The following CRIP2 variants were observed in gnomAD, a reference collection of about 807,000 sequenced individuals.
CRIP2 encodes cysteine-rich protein 2.
In CRIP2, 31 loss-of-function variants were observed where a neutral mutation model predicts 31.3. The observed-to-expected ratio is 0.99, with a 90% CI of 0.74 to 1.34. The LOEUF (loss-of-function observed/expected upper bound fraction) is 1.34. CRIP2 is among the 40% of genes most tolerant of loss of function. The probability of loss-of-function intolerance (pLI) is 0.00; values close to 1 mark genes in which losing one functional copy is unlikely to be tolerated. For missense variants in CRIP2, 389 were observed against 301.6 expected, an observed-to-expected ratio of 1.29 and a Z score of -2.15; for synonymous variants, 177 against 127.2, an observed-to-expected ratio of 1.39 and a Z score of -2.63.
chr14:105,479,102 G>A, intron 5 of CRIP2, 23 bp from the exon 6 acceptor site: 1 of 1,609,042 alleles, frequency 6.2e-7, no homozygotes, highest in Non-Finnish European at 8.5e-7. Flanking sequence ...CCGGGGCTCG[G>A]CCTCACTCCT....
intron 1 of CRIP2, chr14:105,475,847 G>A (rs150518872): frequency 1.8e-5 from 18 of 985,396 alleles, no homozygotes; most frequent in Admixed American, 6.1e-5. Flanking sequence ...CTGCACGAAG[G>A]GGGGCAGACT....
chr14:105,479,647 G>GC lies in CRIP2; in HGVS notation c.624dup (p.Ter209LeufsTer?), dbSNP rs782208576. 1.2e-6 allele frequency: 2 copies of GC among 1,612,216 alleles called. No homozygotes were observed. Among genetic ancestry groups the GC allele is most frequent in the South Asian group, 2.2e-5 (2 of 90,980 alleles). ...ACCGGGACCCCGAAGGCAAGGTCCA[G>GC]CCCTAGGCTACAGCGGCTCTCATGA... On this transcript the variant is annotated frameshift_variant, in exon 8 of 8. Transcript: ENST00000329146. LOFTEE classifies it high-confidence loss of function.
chr14:105,479,399 T>A (rs782270461), intron 6 of CRIP2, 37 bp from the exon 7 acceptor site: 1 of 1,609,964 alleles, frequency 6.2e-7, no homozygotes, highest in Non-Finnish European at 8.5e-7. Flanking sequence ...CGGGGGAGTC[T>A]GTGGACTCCT....
In CRIP2 at chr14:105,478,927, G is replaced by C. The variant is rs1025895004; in HGVS notation, c.338-52G>C. ...TGTGGGCACGCGCGGGCTGGGGCTG[G>C]GGGTTGTGGGCACCCCCGGCCCCGC... On this transcript the variant is annotated intron_variant, in intron 4 of 7. Coordinates refer to ENST00000329146, the MANE Select transcript of CRIP2 (RefSeq NM_001312.4). The surrounding 1 kb of genome is among the most constrained non-coding windows in gnomAD (Gnocchi z 4.9). 2.8e-5 allele frequency: 43 copies of C among 1,525,584 alleles called. No homozygotes were observed. The highest frequency in any genetic ancestry group is 3.6e-5 in the Non-Finnish European group (41 of 1,141,522). 94.5% of individuals were successfully genotyped at this position (1,525,584 alleles called of 1,614,324 possible). A position where few individuals can be genotyped will look rare whatever the true frequency, so the allele number is the denominator to read the frequency against.
chr14:105,473,283 G>A, upstream of CRIP2: 1 of 1,524,446 alleles, frequency 6.6e-7, no homozygotes, highest in Non-Finnish European at 8.8e-7. Flanking sequence ...GGCTGGCACA[G>A]GTCCCAAGTG....
upstream of CRIP2, chr14:105,474,293 G>C (rs1206843837): frequency 6.6e-6 from 1 of 151,370 alleles, no homozygotes; most frequent in Non-Finnish European, 1.5e-5. The surrounding 1 kb of genome is among the most constrained non-coding windows in gnomAD (Gnocchi z 5.1). Flanking sequence ...ATCTGACTCC[G>C]CTCCCGCGGC....
chr14:105,477,185 C>G, intron 1 of CRIP2: 1 of 788,774 alleles, frequency 1.3e-6, no homozygotes, highest in Non-Finnish European at 1.5e-6. Flanking sequence ...CCTTCCTGCC[C>G]CTCCCCACCT....
chr14:105,479,566 C>T lies in CRIP2; in HGVS notation c.560-20C>T. 6.2e-7 allele frequency: 1 copy of T among 1,612,814 alleles called. No individual in the cohort carries two copies. Among genetic ancestry groups the T allele is most frequent in the Non-Finnish European group, 8.5e-7 (1 of 1,179,928 alleles). ...CCCTCCACTGTTCCCCCGACCCACC[C>T]CAGCGGCCTCCCTCCACAGGAGTGA... On this transcript the variant is annotated intron_variant, in intron 7 of 7. Transcript: ENST00000329146.
rs2084021094 is a variant in CRIP2, at chr14:105,478,977, A to G, written c.338-2A>G. 1.0e-5 allele frequency: 16 copies of G among 1,562,932 alleles called. No homozygotes were observed. Among genetic ancestry groups the G allele is most frequent in the Non-Finnish European group, 1.3e-5 (15 of 1,159,202 alleles). On this transcript the variant is annotated splice_acceptor_variant, in intron 4 of 7. Transcript: ENST00000329146. LOFTEE classifies it high-confidence loss of function. This position sits in a 1 kb window ranked among gnomAD's most constrained non-coding sequence, Gnocchi z 4.9. Reference sequence around the variant, plus strand: ...CCCCGCCCTGACTCGTGCGCCCCACAGCCTCCAGTGTCACCACTTTCACCG... The same window carrying G: ...CCCCGCCCTGACTCGTGCGCCCCACGGCCTCCAGTGTCACCACTTTCACCG...
rs995831342 is a variant in CRIP2, at chr14:105,480,094, G to A, written c.*441G>A. On this transcript the variant is annotated 3_prime_UTR_variant, in exon 8 of 8. Coordinates refer to ENST00000329146, the MANE Select transcript of CRIP2 (RefSeq NM_001312.4). ...CTGGTGCCCACACTGCCTCGCAAGC[G>A]CTCGCCACCCTCACGTGGCTCACCT... The A allele has an allele frequency of 3.0e-5, 6 of 201,792 alleles. No homozygotes were observed. Among genetic ancestry groups the A allele is most frequent in the South Asian group, 8.4e-5 (1 of 11,946 alleles). 12.5% of individuals were successfully genotyped at this position (201,792 alleles called of 1,614,324 possible).
chr14:105,478,612 A>C lies in CRIP2; in HGVS notation c.196+105A>C, dbSNP rs1306147886. On this transcript the variant is annotated intron_variant, in intron 3 of 7. Coordinates refer to ENST00000329146, the MANE Select transcript of CRIP2 (RefSeq NM_001312.4). This position sits in a 1 kb window ranked among gnomAD's most constrained non-coding sequence, Gnocchi z 4.9. The stretch of plus-strand genomic sequence containing the variant: ...CCGGCCGCCGTGGATCCCCGCCCAG[A>C]GTCCCTGCCACCCTGGAAAGCCTAG... The C allele has an allele frequency of 1.3e-6, 2 of 1,511,834 alleles. No individual in the cohort carries two copies. Among genetic ancestry groups the C allele is most frequent in the African/African-American group, 1.4e-5 (1 of 72,088 alleles). The allele number at this position is 1,511,834 out of a possible 1,614,324, so 93.7% of individuals were successfully genotyped here.
Position 105,478,735 on chromosome 14 carries a change from G to C in CRIP2, c.201G>C (p.Val67=), listed in dbSNP as rs2084011506. Residue 67 remains valine, a synonymous_variant, in exon 4 of 8, where the codon GTG becomes GTC. Coordinates refer to ENST00000329146, the MANE Select transcript of CRIP2 (RefSeq NM_001312.4). The surrounding 1 kb of genome is among the most constrained non-coding windows in gnomAD (Gnocchi z 4.9). The part of the protein sequence containing the change: ...CYATLFGPKG[V]NIGGAGSYIY... ...CCCACGTACCCCCACCCGCAGGCGTGAACATCGGGGGCGCGGGCTCCTACA... is the reference window on the plus strand; with the variant it reads ...CCCACGTACCCCCACCCGCAGGCGTCAACATCGGGGGCGCGGGCTCCTACA... The C allele has an allele frequency of 2.8e-6, 4 of 1,432,088 alleles. No homozygotes were observed. The highest frequency in any genetic ancestry group is 3.6e-6 in the Non-Finnish European group (4 of 1,097,820). The allele number at this position is 1,432,088 out of a possible 1,614,324, so 88.7% of individuals were successfully genotyped here.
Position 105,478,341 on chromosome 14 carries a change from C to T in CRIP2, c.119C>T (p.Thr40Met), listed in dbSNP as rs781921179. The T allele has an allele frequency of 1.9e-6, 3 of 1,560,774 alleles. No homozygotes were observed. The highest frequency in any genetic ancestry group is 2.3e-5 in the East Asian group (1 of 42,682). ...TGCGAGCGCTGCAGCAAGACGCTGA[C>T]GCCCGGGGGCCACGCCGAGGTGAGC... ...LKCERCSKTL[T>M]PGGHAEHDGK... Residue 40 changes from threonine (T) to methionine (M), a missense_variant, in exon 2 of 8, where the codon ACG (threonine) becomes ATG (methionine). Transcript: ENST00000329146. The surrounding 1 kb of genome is among the most constrained non-coding windows in gnomAD (Gnocchi z 4.9).
intron 1 of CRIP2, among the ~76,000 whole-genome samples, chr14:105,475,610 C>T (rs2083915508): frequency 6.6e-6 from 1 of 152,232 alleles, no homozygotes; most frequent in Non-Finnish European, 1.5e-5. Flanking sequence ...AGGATCCCTG[C>T]CTCCTCAAGG....
Position 105,478,469 on chromosome 14 carries a change from G to C in CRIP2, c.158G>C (p.Cys53Ser), listed in dbSNP as rs941685026. ...GCGCAGCATGACGGGAAGCCGTTCT[G>C]CCACAAGCCGTGCTACGCCACCCTG... ...GHAEHDGKPF[C>S]HKPCYATLFG... Residue 53 changes from cysteine (C) to serine (S), a missense_variant, in exon 3 of 8, where the codon TGC becomes TCC. Cys to Ser is a moderately radical substitution (Grantham distance 112, BLOSUM62 -1). Coordinates refer to ENST00000329146, the MANE Select transcript of CRIP2 (RefSeq NM_001312.4). This position sits in a 1 kb window ranked among gnomAD's most constrained non-coding sequence, Gnocchi z 4.9. 6.2e-7 allele frequency: 1 copy of C among 1,607,408 alleles called. No individual in the cohort carries two copies. The highest frequency in any genetic ancestry group is 1.1e-5 in the South Asian group (1 of 90,838).
chr14:105,474,715 C>G (rs1260152459), upstream of CRIP2: 8 of 989,736 alleles, frequency 8.1e-6, no homozygotes, highest in Non-Finnish European at 9.6e-6. The surrounding 1 kb of genome is among the most constrained non-coding windows in gnomAD (Gnocchi z 5.1). Flanking sequence ...CCCAGGCGGC[C>G]CCCAGCCCGG....
chr14:105,479,318 C>T lies in CRIP2; in HGVS notation c.501+99C>T, dbSNP rs2084035026. 1.0e-5 allele frequency: 15 copies of T among 1,502,876 alleles called. No individual in the cohort carries two copies. The South Asian group carries it at 1.7e-4, about 17-fold the overall frequency. 93.1% of individuals were successfully genotyped at this position (1,502,876 alleles called of 1,614,324 possible). A position where few individuals can be genotyped will look rare whatever the true frequency, so the allele number is the denominator to read the frequency against. On this transcript the variant is annotated intron_variant, in intron 6 of 7. Coordinates refer to ENST00000329146, the MANE Select transcript of CRIP2 (RefSeq NM_001312.4). ...CTAGAGGGGATGGGGGGTGGTGCTT[C>T]TGGGAGCTGCGCTGCCCTCTCCCCC...
chr14:105,479,543 C>G (rs2084043802), intron 7 of CRIP2, 43 bp from the exon 8 acceptor site: 1 of 1,612,794 alleles, frequency 6.2e-7, no homozygotes. Flanking sequence ...CTCCCCTTCC[C>G]TCCACTGTTC....
At chr14:105,475,018 C>A in intron 1 of CRIP2, 113 bp downstream of exon 1, 1 of 1,199,348 alleles carries the variant, frequency 8.3e-7, no homozygotes, top group Non-Finnish European at 1.1e-6. Flanking sequence ...CGGCCCCGGA[C>A]CGAGGATGCG....
Sources: allele counts gnomAD v4.1 joint callset (sites outside exome capture counted in the v4.1 genomes callset), GRCh38; gene constraint gnomAD v4.1.1; non-coding constraint Gnocchi (gnomAD v3.1); transcripts MANE v1.5; gene names NCBI Gene and HGNC (gene_info 2026-07-23, HGNC 2026-07-21).